TRAPPC12: variants seen among roughly 807,000 people sequenced by gnomAD.
TRAPPC12 encodes the protein TPR repeat protein 15.
TRAPPC12 carries 61 observed loss-of-function variants against 69.2 expected under a neutral mutation model. The observed-to-expected ratio is 0.88, with a 90% CI of 0.72 to 1.09. TRAPPC12 has a LOEUF of 1.09. TRAPPC12 is among the 50% of genes least tolerant of loss of function. The pLI is 0.00. For missense variants in TRAPPC12, 1,101 were observed against 1,016.4 expected (o/e 1.08, Z -1.13); for synonymous variants, 469 against 438.9 (o/e 1.07, Z -0.86).
intron 2 of TRAPPC12, among the ~76,000 whole-genome samples, chr2:3,390,068 C>T (rs1244764179): frequency 1.3e-5 from 2 of 152,142 alleles, no homozygotes; most frequent in East Asian, 3.9e-4. Context: ...GGAAAGTGCT[C>T]CACATGGGAC....
rs1320140949 is a variant in TRAPPC12, at chr2:3,443,850, T to C, written c.1489T>C (p.Ser497Pro). The C allele has an allele frequency of 6.2e-7, 1 of 1,613,208 alleles. No homozygotes were observed. The highest frequency in any genetic ancestry group is 1.1e-5 in the South Asian group (1 of 91,030). The change falls in exon 6 of 12, where the codon TCG becomes CCG. Residue 497 changes from serine (S) to proline (P), a missense_variant. Coordinates refer to ENST00000324266, the MANE Select transcript of TRAPPC12 (RefSeq NM_016030.6). ...GCAGTACCTGGGGAACCCACAGGAG[T>C]CGCTGGATAGACTGCACAAGGTGAA... is the stretch of plus-strand genomic sequence containing the variant. ...LQQYLGNPQE[S>P]LDRLHKVKTV...
intron 1 of TRAPPC12, among the ~76,000 whole-genome samples, chr2:3,381,560 G>A (rs1660211748): frequency 6.6e-6 from 1 of 152,154 alleles, no homozygotes; most frequent in Non-Finnish European, 1.5e-5. Flanking sequence ...CCTATTTATA[G>A]TTTAATAAAA....
In TRAPPC12 at chr2:3,422,146, G is replaced by A. The variant is rs987553396; in HGVS notation, c.1278+152G>A. 1.3e-5 allele frequency: 9 copies of A among 682,666 alleles called. No homozygotes were observed. The Admixed American group carries it at 2.6e-4, about 19-fold the overall frequency. 42.3% of individuals were successfully genotyped at this position (682,666 alleles called of 1,614,324 possible). ...ATTATATTGTATATACTATACTGGG[G>A]CACTGGAATTCTCACTTCGGCCCGT... On this transcript the variant is annotated intron_variant, in intron 4 of 11. Transcript: ENST00000324266.
chr2:3,421,481 T>C (rs1662781005), intron 3 of TRAPPC12, among the ~76,000 whole-genome samples: 1 of 152,254 alleles, frequency 6.6e-6, no homozygotes, highest in Non-Finnish European at 1.5e-5. Context: ...GTCCAACACA[T>C]AGCATAAAAT....
At chr2:3,471,746 T>C (rs999558136) in intron 9 of TRAPPC12, among the ~76,000 whole-genome samples, 1 of 152,212 alleles carries the variant, frequency 6.6e-6, no homozygotes, top group African/African-American at 2.4e-5. Flanking sequence ...CACTCCAACT[T>C]AGATTCCACC....
Position 3,465,371 on chromosome 2 carries a change from G to A in TRAPPC12, c.1678-226G>A, listed in dbSNP as rs889012057. ...AGCCCCCGGTGACAGGCAGGACCCC[G>A]CCGTTGCGATGCGCACAGCTCAGAA... is the stretch of plus-strand genomic sequence containing the variant. On this transcript the variant is annotated intron_variant, in intron 8 of 11. Transcript: ENST00000324266. Among the ~76,000 whole-genome samples the A allele has an allele frequency of 2.0e-5, 3 of 152,126 alleles. No individual in the cohort carries two copies. The East Asian group carries it at 5.8e-4, about 29-fold the overall frequency.
chr2:3,475,802 C>T (rs1042505304), intron 9 of TRAPPC12, among the ~76,000 whole-genome samples: 3 of 152,206 alleles, frequency 2.0e-5, no homozygotes, highest in South Asian at 2.1e-4. Context: ...CCAAGCCCGA[C>T]GACTTCATCT....
intron 4 of TRAPPC12, 128 bp downstream of exon 4, chr2:3,422,122 TTATATTGTATATAC>T: frequency 1.3e-6 from 1 of 744,644 alleles, no homozygotes; most frequent in South Asian, 1.8e-5. Context: ...TCTCTCCTAA[TTATATTGTATATAC>T]TATACTGGGG....
At chr2:3,421,002 T>C (rs1413442094) in intron 3 of TRAPPC12, among the ~76,000 whole-genome samples, 1 of 152,204 alleles carries the variant, frequency 6.6e-6, no homozygotes, top group African/African-American at 2.4e-5. Context: ...GAGTGCTCGT[T>C]CACTAACCTC....
intron 7 of TRAPPC12, chr2:3,459,870 G>T (rs1665391907): frequency 3.1e-6 from 1 of 327,754 alleles, no homozygotes; most frequent in Non-Finnish European, 5.8e-6. Flanking sequence ...GAGGCTGGCG[G>T]CCACCCTGGC....
At chr2:3,465,183 A>G (rs1665739872) in intron 8 of TRAPPC12, among the ~76,000 whole-genome samples, 3 of 152,366 alleles carry the variant, frequency 2.0e-5, no homozygotes, top group Non-Finnish European at 2.9e-5. Flanking sequence ...GACACTTTAA[A>G]AATTTGGCCT....
chr2:3,400,400 C>T (rs1002539499), intron 2 of TRAPPC12, among the ~76,000 whole-genome samples: 1 of 151,812 alleles, frequency 6.6e-6, no homozygotes, highest in East Asian at 1.9e-4. Flanking sequence ...CCAGGATACT[C>T]ACTGTCTCTG....
Position 3,414,727 on chromosome 2 carries a change from G to A in TRAPPC12, c.1165-7154G>A, listed in dbSNP as rs182954857. ...TGCCCCGCGAGGGACACCATTCCCC[G>A]TCGTTGACGTGCATTCCTCTTGTTC... On this transcript the variant is annotated intron_variant, in intron 3 of 11. Transcript: ENST00000324266. This position sits in a 1 kb window ranked among gnomAD's most constrained non-coding sequence, Gnocchi z 4.9. 1.5e-4 allele frequency among the ~76,000 whole-genome samples: 23 copies of A among 152,106 alleles called. No individual in the cohort carries two copies. Among genetic ancestry groups the A allele is most frequent in the East Asian group, 3.9e-4 (2 of 5,156 alleles).
At chr2:3,433,378 G>A (rs1001922751) in intron 5 of TRAPPC12, among the ~76,000 whole-genome samples, 3 of 152,242 alleles carry the variant, frequency 2.0e-5, no homozygotes, top group Non-Finnish European at 4.4e-5. Flanking sequence ...CAAAGGGTCT[G>A]GAAGGCTCCC....
Position 3,398,552 on chromosome 2 carries a change from C to T in TRAPPC12, c.1048-3225C>T, listed in dbSNP as rs75243992. On this transcript the variant is annotated intron_variant, in intron 2 of 11. Coordinates refer to ENST00000324266, the MANE Select transcript of TRAPPC12 (RefSeq NM_016030.6). ...TGCAGGGGCTGCTGCCTTTCAGCAG[C>T]GCTACCCCGTGAGCATTTGTGTCTT... Among the ~76,000 whole-genome samples, 2,604 of 152,294 alleles carry T rather than the reference C, an allele frequency of 0.017. 107 individuals carry two copies. The East Asian group carries it at 0.17, about 10-fold the overall frequency.
At chr2:3,466,223 G>GC in intron 9 of TRAPPC12, 1 of 469,410 alleles carries the variant, frequency 2.1e-6, no homozygotes, top group Non-Finnish European at 4.4e-6. Flanking sequence ...GATGAGTCCC[G>GC]CCCACATCCC....
At position 3,404,993 on chromosome 2, in the gene TRAPPC12, G is replaced by A. The variant is rs190819227; in HGVS notation, c.1164+3100G>A. On this transcript the variant is annotated intron_variant, in intron 3 of 11. Transcript: ENST00000324266. ...TGACAGAAAAGGAAAGGAAGGATTT[G>A]AAAGGAATGAAAATCGAATCCAGCA... Among the ~76,000 whole-genome samples the A allele has an allele frequency of 2.4e-4, 36 of 152,178 alleles. No homozygotes were observed. The East Asian group carries it at 6.8e-3, about 29-fold the overall frequency.
intron 5 of TRAPPC12, among the ~76,000 whole-genome samples, chr2:3,434,784 A>G (rs1663654437): frequency 6.6e-6 from 1 of 152,166 alleles, no homozygotes; most frequent in Admixed American, 6.5e-5. Context: ...GGATTAGGGA[A>G]TGTTTGTTTA....
rs1663393243 is a variant in TRAPPC12 at position 3,430,914 on chromosome 2, T to G, written c.1417+6251T>G. On this transcript the variant is annotated intron_variant, in intron 5 of 11. Coordinates refer to ENST00000324266, the MANE Select transcript of TRAPPC12 (RefSeq NM_016030.6). ...GCTCTGCACACTGTTGCTGGGACCG[T>G]CCACTGGGTGTGGAGGAGCTCTGCA... 4.0e-5 allele frequency among the ~76,000 whole-genome samples: 6 copies of G among 151,888 alleles called. No individual in the cohort carries two copies. The South Asian group carries it at 1.3e-3, about 32-fold the overall frequency.
Sources: gnomAD v4.1 joint callset for allele counts (sites outside exome capture counted in the v4.1 genomes callset) on GRCh38, gnomAD v4.1.1 for gene constraint, Gnocchi (gnomAD v3.1) non-coding constraint, MANE v1.5 for transcripts, NCBI Gene and HGNC (gene_info 2026-07-23, HGNC 2026-07-21) for gene names.